The following XPO4 variants were observed in gnomAD, a reference collection of about 807,000 sequenced individuals.
XPO4 encodes exportin-4.
In XPO4, 39 loss-of-function variants were observed where a neutral mutation model predicts 143.0. The observed-to-expected ratio is 0.27, with a 90% CI of 0.21 to 0.36. XPO4 has a LOEUF of 0.36. XPO4 is among the 10% of genes least tolerant of loss of function. The pLI is 1.00. For synonymous variants in XPO4, 439 were observed against 474.0 expected (o/e 0.93, Z 0.96); for missense variants, 907 against 1,348.0 (o/e 0.67, Z 5.12).
chr13:20,800,440 C>T (rs2137845543), intron 14 of XPO4, 115 bp from the exon 15 acceptor site: 5 of 953,366 alleles, frequency 5.2e-6, no homozygotes, highest in Non-Finnish European at 7.7e-6. Flanking sequence ...GCTTACTTCA[C>T]ATCAACTTTA....
At chr13:20,868,848 G>C (rs1334815183) in intron 1 of XPO4, 147 bp from the exon 2 acceptor site, 17 of 648,156 alleles carry the variant, frequency 2.6e-5, no homozygotes, top group Non-Finnish European at 4.2e-5. Flanking sequence ...AGGAATTATA[G>C]TATAAAACTT....
At chr13:20,884,104 G>A (rs2060439541) in intron 1 of XPO4, among the ~76,000 whole-genome samples, 1 of 152,166 alleles carries the variant, frequency 6.6e-6, no homozygotes, top group African/African-American at 2.4e-5. Context: ...GCCAGGTGAG[G>A]TGGCTCACAC....
At chr13:20,898,303 C>T (rs575936881) in intron 1 of XPO4, among the ~76,000 whole-genome samples, 30 of 152,270 alleles carry the variant, frequency 2.0e-4, no homozygotes, top group African/African-American at 6.0e-4. Flanking sequence ...GTGGCTCACG[C>T]CTGTTAATCC....
chr13:20,816,263 T>G (rs1028351969), intron 9 of XPO4, among the ~76,000 whole-genome samples: 1 of 152,214 alleles, frequency 6.6e-6, no homozygotes, highest in Non-Finnish European at 1.5e-5. Flanking sequence ...TATGCTGTTA[T>G]TCATCTGCTA....
At chr13:20,877,212 C>T (rs374274963) in intron 1 of XPO4, among the ~76,000 whole-genome samples, 1 of 152,172 alleles carries the variant, frequency 6.6e-6, no homozygotes. Flanking sequence ...ACAACATTCA[C>T]AAAAGTAAGT....
chr13:20,808,630 A>G (rs754037175), intron 11 of XPO4, 49 bp from the exon 12 acceptor site: 3 of 1,444,818 alleles, frequency 2.1e-6, no homozygotes, highest in Non-Finnish European at 2.8e-6. Flanking sequence ...AAGCAAAGAC[A>G]TGGAACAACT....
intron 4 of XPO4, chr13:20,850,662 A>C: frequency 2.4e-6 from 1 of 410,380 alleles, no homozygotes; most frequent in Non-Finnish European, 3.3e-6. Context: ...CTACTCAGGA[A>C]GCTGAGGTGG....
At chr13:20,899,720 G>GT (rs2060602922) in intron 1 of XPO4, among the ~76,000 whole-genome samples, 1 of 152,038 alleles carries the variant, frequency 6.6e-6, no homozygotes, top group Admixed American at 6.6e-5. Context: ...AACTATATGA[G>GT]TTACCTAATG....
rs1427601872 is a variant in XPO4, at chr13:20,780,992, GAAAC to G, written c.*2726_*2729del. 3.9e-5 allele frequency: 6 copies of G among 152,040 alleles called. No homozygotes were observed. The highest frequency in any genetic ancestry group is 1.3e-4 in the Admixed American group (2 of 15,258). The allele number at this position is 152,040 out of a possible 1,614,324, so 9.4% of individuals were successfully genotyped here. A position where few individuals can be genotyped will look rare whatever the true frequency, so the allele number is the denominator to read the frequency against. On this transcript the variant is annotated 3_prime_UTR_variant, in exon 23 of 23. Transcript: ENST00000255305. ...AAATGGGTCAAGGAAAATAAAATGA[GAAAC>G]AAACAAAGGATGTATGGAAAACTAG...
chr13:20,843,665 C>T (rs958941533), intron 5 of XPO4, 105 bp downstream of exon 5: 13 of 778,166 alleles, frequency 1.7e-5, no homozygotes, highest in Non-Finnish European at 2.7e-5. Flanking sequence ...GAAGTACAGG[C>T]TACCATTCAA....
chr13:20,800,695 T>C (rs1262811877), intron 14 of XPO4, 136 bp downstream of exon 14: 3 of 1,117,704 alleles, frequency 2.7e-6, no homozygotes, highest in Non-Finnish European at 3.8e-6. Flanking sequence ...AGTCACATAA[T>C]TCTCTTCCAC....
chr13:20,819,128 A>G (rs1301596462), intron 9 of XPO4, among the ~76,000 whole-genome samples: 1 of 152,142 alleles, frequency 6.6e-6, no homozygotes, highest in Non-Finnish European at 1.5e-5. Context: ...CGGCCTATAC[A>G]GGTACTTTTC....
Position 20,786,887 on chromosome 13 carries a change from A to G in XPO4, c.3258+78T>C, listed in dbSNP as rs530406756. The G allele has an allele frequency of 2.6e-5, 31 of 1,199,420 alleles. No individual in the cohort carries two copies. In the African/African-American group the frequency reaches 4.3e-4, roughly 17 times the overall value. The allele number at this position is 1,199,420 out of a possible 1,614,324, so 74.3% of individuals were successfully genotyped here. ...TCACAGATCCTATAAGGGGGGATTAATGACCCACCATCTATCTCAACAATC... is the reference window on the plus strand; with the variant it reads ...TCACAGATCCTATAAGGGGGGATTAGTGACCCACCATCTATCTCAACAATC... On this transcript the variant is annotated intron_variant, in intron 22 of 22. Coordinates refer to ENST00000255305, the MANE Select transcript of XPO4 (RefSeq NM_022459.5).
intron 9 of XPO4, among the ~76,000 whole-genome samples, chr13:20,818,714 A>T (rs1055361925): frequency 6.6e-6 from 1 of 152,240 alleles, no homozygotes; most frequent in African/African-American, 2.4e-5. Context: ...GAGTGCACAC[A>T]GGTTTTCAAT....
At chr13:20,899,103 A>C (rs780895413) in intron 1 of XPO4, among the ~76,000 whole-genome samples, 8 of 152,100 alleles carry the variant, frequency 5.3e-5, no homozygotes, top group Non-Finnish European at 8.8e-5. Context: ...CTCAAAAGAA[A>C]GGGAGGGGAT....
At chr13:20,832,073 C>T (rs1159583218) in intron 6 of XPO4, among the ~76,000 whole-genome samples, 1 of 152,140 alleles carries the variant, frequency 6.6e-6, no homozygotes, top group African/African-American at 2.4e-5. Context: ...TAGGAAAGCT[C>T]ACCAACTTCT....
At position 20,777,648 on chromosome 13, in the gene XPO4, G is replaced by A. The variant is rs2059101801; in HGVS notation, c.*6074C>T. On this transcript the variant is annotated 3_prime_UTR_variant, in exon 23 of 23. Transcript: ENST00000255305. Reference sequence around the variant, plus strand: ...CTTGGGCTTTCTTAAAGGTGTATTTGAAGCCTAAGATTAGGCAGAAATGAA... The same window carrying A: ...CTTGGGCTTTCTTAAAGGTGTATTTAAAGCCTAAGATTAGGCAGAAATGAA... 4 of 152,158 alleles carry A rather than the reference G, an allele frequency of 2.6e-5. No homozygotes were observed. The South Asian group carries it at 8.3e-4, about 32-fold the overall frequency. The allele number at this position is 152,158 out of a possible 1,614,324, so 9.4% of individuals were successfully genotyped here.
At chr13:20,896,588 C>T (rs1339307783) in intron 1 of XPO4, among the ~76,000 whole-genome samples, 1 of 152,128 alleles carries the variant, frequency 6.6e-6, no homozygotes, top group African/African-American at 2.4e-5. Context: ...TACATCTGGT[C>T]ATCTTTCCAA....
At chr13:20,882,309 C>G (rs549800086) in intron 1 of XPO4, among the ~76,000 whole-genome samples, 1 of 151,506 alleles carries the variant, frequency 6.6e-6, no homozygotes, top group East Asian at 1.9e-4. Context: ...GCCATACACA[C>G]GGTACCAACA....
Sources: allele counts gnomAD v4.1 joint callset (sites outside exome capture counted in the v4.1 genomes callset), GRCh38; gene constraint gnomAD v4.1.1; transcripts MANE v1.5; gene names NCBI Gene and HGNC (gene_info 2026-07-23, HGNC 2026-07-21).